The following IL3RA variants were observed in gnomAD, a reference collection of about 807,000 sequenced individuals.
The protein encoded by IL3RA is interleukin-3 receptor subunit alpha.
A neutral mutation model predicts 52.3 loss-of-function variants in IL3RA; 73 were observed. That is an observed-to-expected ratio of 1.40 (90% CI 1.16 to 1.70). The LOEUF (loss-of-function observed/expected upper bound fraction) is 1.70. Among genes scored for constraint, IL3RA ranks in the 40% most tolerant of loss-of-function variants. The pLI, the probability that IL3RA is intolerant of heterozygous loss-of-function variation, is 0.00. For missense variants in IL3RA, 664 were observed against 504.4 expected (o/e 1.32, Z -3.03); for synonymous variants, 260 against 194.0 (o/e 1.34, Z -2.83).
intron 4 of IL3RA, among the ~76,000 whole-genome samples, chrX:1,348,949 C>T (rs1428740830): frequency 6.7e-6 from 1 of 149,124 alleles, no homozygotes; most frequent in Non-Finnish European, 1.5e-5. Flanking sequence ...CTTCCTTCTT[C>T]CCTCCTTCCC....
chrX:1,360,777 C>G (rs1322136364), intron 8 of IL3RA, among the ~76,000 whole-genome samples: 1 of 151,968 alleles, frequency 6.6e-6, no homozygotes, highest in Non-Finnish European at 1.5e-5. Flanking sequence ...ATCCACCTGC[C>G]TCATCCTCTC....
At chrX:1,348,709 TC>T (rs2085927293) in intron 4 of IL3RA, among the ~76,000 whole-genome samples, 164 bp downstream of exon 4, 1 of 95,778 alleles carries the variant, frequency 1.0e-5, no homozygotes, top group East Asian at 2.1e-4. Flanking sequence ...TCTTTCTGTT[TC>T]TGTTTCTTTC....
In IL3RA at chrX:1,358,995, T is replaced by C. The variant is rs755550500; in HGVS notation, c.759+108T>C. 2.2e-4 allele frequency: 175 copies of C among 779,524 alleles called. No homozygotes were observed. In the African/African-American group the frequency reaches 2.4e-3, roughly 11 times the overall value. The allele number at this position is 779,524 out of a possible 1,614,324, so 48.3% of individuals were successfully genotyped here. A position where few individuals can be genotyped will look rare whatever the true frequency, so the allele number is the denominator to read the frequency against. On this transcript the variant is annotated intron_variant, in intron 8 of 11. Coordinates refer to ENST00000331035, the MANE Select transcript of IL3RA (RefSeq NM_002183.4). ...ATATTAATAATTCTTATTAATAAAA[T>C]AATGAAAATATTATTAATAATAAAT...
At chrX:1,345,145 G>A (rs1270393011) in intron 2 of IL3RA, among the ~76,000 whole-genome samples, 171 bp from the exon 3 acceptor site, 1 of 149,734 alleles carries the variant, frequency 6.7e-6, no homozygotes, top group Admixed American at 6.7e-5. Flanking sequence ...TCCAGCCAGG[G>A]CGACAAGAGT....
chrX:1,349,448 G>C (rs1388175037), intron 4 of IL3RA, among the ~76,000 whole-genome samples: 16 of 151,850 alleles, frequency 1.1e-4, no homozygotes, highest in Non-Finnish European at 1.5e-4. Context: ...CCAAAGTGCT[G>C]GGAGTACAGG....
At chrX:1,377,401 C>T (rs866129736) in intron 9 of IL3RA, among the ~76,000 whole-genome samples, 3 of 151,974 alleles carry the variant, frequency 2.0e-5, no homozygotes, top group South Asian at 2.1e-4. Context: ...CCACCACACC[C>T]GGCTACTGTT....
chrX:1,357,007 A>G (rs1316190419), intron 7 of IL3RA, among the ~76,000 whole-genome samples: 4 of 152,056 alleles, frequency 2.6e-5, no homozygotes, highest in African/African-American at 9.7e-5. Flanking sequence ...ACTGGAGTGC[A>G]GTGGCTTAAA....
At chrX:1,343,048 C>G (rs1215209750) in intron 2 of IL3RA, among the ~76,000 whole-genome samples, 2 of 151,760 alleles carry the variant, frequency 1.3e-5, no homozygotes, top group Admixed American at 1.3e-4. Context: ...GCACTCCAGC[C>G]TGGGCGACAG....
intron 8 of IL3RA, among the ~76,000 whole-genome samples, chrX:1,362,804 C>G (rs762719305): frequency 1.8e-3 from 278 of 151,292 alleles, no homozygotes; most frequent in African/African-American, 6.6e-3. Flanking sequence ...GAGACAGAGT[C>G]TCGCTCTGTC....
At chrX:1,378,969 A>C (rs1304757057) in intron 10 of IL3RA, among the ~76,000 whole-genome samples, 1 of 151,584 alleles carries the variant, frequency 6.6e-6, no homozygotes, top group Admixed American at 6.6e-5. Flanking sequence ...CAGCCTCCCA[A>C]GTAGCTGGGA....
intron 9 of IL3RA, among the ~76,000 whole-genome samples, chrX:1,377,633 G>T (rs35141069): frequency 6.6e-6 from 1 of 150,782 alleles, no homozygotes; most frequent in African/African-American, 2.4e-5. Flanking sequence ...TAAGGTTATC[G>T]TCATAGGTTC....
chrX:1,357,353 T>C (rs1159894092), intron 7 of IL3RA, among the ~76,000 whole-genome samples: 1 of 138,430 alleles, frequency 7.2e-6, no homozygotes, highest in African/African-American at 3.1e-5. Flanking sequence ...GCTGTTTGTT[T>C]GTTTGTTTGT....
intron 4 of IL3RA, among the ~76,000 whole-genome samples, chrX:1,348,888 T>A (rs866207407): frequency 8.6e-6 from 1 of 116,228 alleles, no homozygotes. Flanking sequence ...CCTTTCGTTT[T>A]CTTTTCCTCC....
intron 11 of IL3RA, among the ~76,000 whole-genome samples, chrX:1,381,375 C>T (rs1223491560): frequency 1.3e-5 from 2 of 152,078 alleles, no homozygotes; most frequent in African/African-American, 2.4e-5. Flanking sequence ...TCCATCTGGG[C>T]GACAAGAGTG....
chrX:1,343,947 C>T (rs1209921679), intron 2 of IL3RA, among the ~76,000 whole-genome samples: 2 of 151,654 alleles, frequency 1.3e-5, no homozygotes, highest in Non-Finnish European at 2.9e-5. Flanking sequence ...AGGCGCCCGC[C>T]ACCACGCCCA....
At chrX:1,357,950 A>G (rs1235198237) in intron 7 of IL3RA, among the ~76,000 whole-genome samples, 1 of 151,316 alleles carries the variant, frequency 6.6e-6, no homozygotes, top group Non-Finnish European at 1.5e-5. Flanking sequence ...AAAATACAAA[A>G]AAAAATTAGC....
intron 10 of IL3RA, among the ~76,000 whole-genome samples, chrX:1,380,141 G>C (rs1436885387): frequency 6.6e-6 from 1 of 151,758 alleles, no homozygotes; most frequent in South Asian, 2.1e-4. Flanking sequence ...TGATCTGCCC[G>C]CCTGGGCCTC....
intron 6 of IL3RA, among the ~76,000 whole-genome samples, 172 bp downstream of exon 6, chrX:1,352,678 T>C (rs767005386): frequency 6.6e-6 from 1 of 151,972 alleles, no homozygotes; most frequent in Non-Finnish European, 1.5e-5. Context: ...CCTCGGGAGG[T>C]CTCTTCCTGG....
chrX:1,355,450 C>CGGGGG, intron 6 of IL3RA, among the ~76,000 whole-genome samples: 1 of 51,040 alleles, frequency 2.0e-5, no homozygotes, highest in African/African-American at 8.0e-5. Context: ...GGAGAAAGAC[C>CGGGGG]AGGAGGGTAG....
Sources: gnomAD v4.1 joint callset for allele counts (sites outside exome capture counted in the v4.1 genomes callset) on GRCh38, gnomAD v4.1.1 for gene constraint, MANE v1.5 for transcripts, NCBI Gene and HGNC (gene_info 2026-07-23, HGNC 2026-07-21) for gene names.